Variants in ARHGEF10 observed in about 807,000 individuals in gnomAD.
The protein encoded by ARHGEF10 is Rho guanine nucleotide exchange factor 10, also known as Rho guanine nucleotide exchange factor (GEF) 10.
In ARHGEF10, 140 loss-of-function variants were observed where a neutral mutation model predicts 147.4. The ratio of observed to expected loss-of-function variants is 0.95; its 90% CI spans 0.83 to 1.09. The LOEUF is 1.09. Among genes scored for constraint, ARHGEF10 ranks in the 50% least tolerant of loss-of-function variants. The pLI, the probability that ARHGEF10 is intolerant of heterozygous loss-of-function variation, is 0.00. For synonymous variants in ARHGEF10, 902 were observed against 695.8 expected, an observed-to-expected ratio of 1.30 and a Z score of -4.67; for missense variants, 2,222 against 1,752.7, an observed-to-expected ratio of 1.27 and a Z score of -4.78.
intron 15 of ARHGEF10, among the ~76,000 whole-genome samples, chr8:1,898,945 G>A (rs896237903): frequency 2.6e-5 from 4 of 152,194 alleles, no homozygotes; most frequent in African/African-American, 9.6e-5. Context: ...TGCCCAGAGG[G>A]GATGGACAAG....
chr8:1,883,149 G>A (rs1025454663), intron 10 of ARHGEF10, among the ~76,000 whole-genome samples: 3 of 152,150 alleles, frequency 2.0e-5, no homozygotes, highest in Non-Finnish European at 2.9e-5. Flanking sequence ...CTTTTCCTTG[G>A]TGAGGGGAGA....
At chr8:1,847,658 C>G (rs1246245054) in intron 2 of ARHGEF10, among the ~76,000 whole-genome samples, 1 of 152,174 alleles carries the variant, frequency 6.6e-6, no homozygotes, top group African/African-American at 2.4e-5. Flanking sequence ...GCACAAGCAG[C>G]TACAAACCGC....
At chr8:1,850,143 G>GCAT (rs1563174301) in intron 2 of ARHGEF10, among the ~76,000 whole-genome samples, 1,917 of 137,754 alleles carry the variant, frequency 0.014, 258 homozygotes, top group African/African-American at 0.026. Flanking sequence ...GCTGAGGAGG[G>GCAT]TGTGGGGCGG....
At chr8:1,909,693 G>A (rs73544704) in intron 18 of ARHGEF10, among the ~76,000 whole-genome samples, 4 of 152,188 alleles carry the variant, frequency 2.6e-5, no homozygotes, top group East Asian at 1.9e-4. Context: ...GGGCTCCTTC[G>A]GGTTCGGGCC....
intron 4 of ARHGEF10, 108 bp from the exon 5 acceptor site, chr8:1,864,265 C>A (rs924346044): frequency 2.7e-6 from 3 of 1,091,608 alleles, no homozygotes; most frequent in African/African-American, 3.1e-5. Context: ...CTAAGATAAG[C>A]CTCTGATTGA....
chr8:1,867,715 T>C lies in ARHGEF10; in HGVS notation c.622+1113T>C, dbSNP rs997008092. On this transcript the variant is annotated intron_variant, in intron 6 of 28. Coordinates refer to ENST00000349830, the MANE Select transcript of ARHGEF10 (RefSeq NM_014629.4). Reference sequence around the variant, plus strand: ...AGATTTACTTGTTTTTTTTAATTTTTAAAGGAAAAGCAAGATTACTTTCCT... The same window carrying C: ...AGATTTACTTGTTTTTTTTAATTTTCAAAGGAAAAGCAAGATTACTTTCCT... Among the ~76,000 whole-genome samples the C allele has an allele frequency of 5.9e-5, 9 of 152,348 alleles. 2 individuals are homozygous for C. Among genetic ancestry groups the C allele is most frequent in the Admixed American group, 1.3e-4 (2 of 15,310 alleles).
At chr8:1,913,684 C>T (rs941311905) in intron 18 of ARHGEF10, among the ~76,000 whole-genome samples, 2 of 152,210 alleles carry the variant, frequency 1.3e-5, no homozygotes, top group African/African-American at 4.8e-5. Flanking sequence ...CGCTGCCTCC[C>T]TGTGTGTTCT....
chr8:1,915,108 A>T (rs1056821822), intron 18 of ARHGEF10, among the ~76,000 whole-genome samples: 3 of 152,150 alleles, frequency 2.0e-5, no homozygotes, highest in Non-Finnish European at 4.4e-5. Context: ...TTCAGTGCAG[A>T]TGAACGGCCT....
chr8:1,913,817 C>T (rs1406007450), intron 18 of ARHGEF10, among the ~76,000 whole-genome samples: 4 of 152,154 alleles, frequency 2.6e-5, no homozygotes, highest in South Asian at 2.1e-4. Context: ...CTGGATATGG[C>T]GGTTGGTACA....
rs934513748 is a variant in ARHGEF10, at chr8:1,831,874, G to A, written c.-48+7761G>A. On this transcript the variant is annotated intron_variant, in intron 1 of 28. Transcript: ENST00000349830. ...GGGATCCTATGGGGCTGTGGCCCTG[G>A]GTCAGGAGTGCCCTGGAGGGTGGCA... is the stretch of plus-strand genomic sequence containing the variant. Among the ~76,000 whole-genome samples, 287 of 152,294 alleles carry A rather than the reference G, an allele frequency of 1.9e-3. 2 individuals are homozygous for A. The highest frequency in any genetic ancestry group is 6.8e-3 in the African/African-American group (281 of 41,558).
intron 2 of ARHGEF10, among the ~76,000 whole-genome samples, chr8:1,851,813 C>T (rs1168554798): frequency 6.6e-6 from 1 of 151,776 alleles, no homozygotes; most frequent in Non-Finnish European, 1.5e-5. Flanking sequence ...GCTTGGGAGG[C>T]TGAGGTGGGA....
chr8:1,907,325 G>T (rs1272158298), intron 17 of ARHGEF10, among the ~76,000 whole-genome samples: 1 of 152,160 alleles, frequency 6.6e-6, no homozygotes, highest in Non-Finnish European at 1.5e-5. Context: ...GCCCCACTGT[G>T]GCTGAATCCA....
intron 2 of ARHGEF10, among the ~76,000 whole-genome samples, chr8:1,845,307 C>A (rs1010283616): frequency 2.0e-5 from 3 of 152,226 alleles, no homozygotes; most frequent in Admixed American, 6.5e-5. Context: ...CCTCCCGCCT[C>A]CCTGCTTTCT....
At chr8:1,942,077 C>T (rs182634391) in intron 26 of ARHGEF10, among the ~76,000 whole-genome samples, 2 of 152,116 alleles carry the variant, frequency 1.3e-5, no homozygotes, top group East Asian at 3.9e-4. Flanking sequence ...TTAGATCTGA[C>T]ACCTCAAGCA....
chr8:1,833,632 C>T (rs1803405317), intron 1 of ARHGEF10, among the ~76,000 whole-genome samples: 1 of 152,224 alleles, frequency 6.6e-6, no homozygotes, highest in African/African-American at 2.4e-5. Context: ...TCTTCCCAGC[C>T]CTGGGTCAGC....
intron 18 of ARHGEF10, among the ~76,000 whole-genome samples, chr8:1,918,318 G>A (rs1269531964): frequency 1.3e-5 from 2 of 152,118 alleles, no homozygotes; most frequent in African/African-American, 2.4e-5. Flanking sequence ...TGAACTGTCT[G>A]ATGATCCGGC....
chr8:1,853,666 G>C (rs560717457), intron 2 of ARHGEF10, among the ~76,000 whole-genome samples: 14 of 152,356 alleles, frequency 9.2e-5, no homozygotes, highest in African/African-American at 2.6e-4. Flanking sequence ...GACCTTTTGT[G>C]TTGGAAAGGG....
chr8:1,830,522 A>G lies in ARHGEF10; in HGVS notation c.-48+6409A>G, dbSNP rs192156166. 2.2e-3 allele frequency among the ~76,000 whole-genome samples: 330 copies of G among 152,330 alleles called. 2 individuals are homozygous for G. The highest frequency in any genetic ancestry group is 7.0e-3 in the African/African-American group (289 of 41,582). ...GAAACAACCTTTGCACATGAAGAAA[A>G]TCTACCTGTGGCCATATGACAAGCA... On this transcript the variant is annotated intron_variant, in intron 1 of 28. Coordinates refer to ENST00000349830, the MANE Select transcript of ARHGEF10 (RefSeq NM_014629.4).
At chr8:1,878,326 A>C (rs1807882638) in intron 8 of ARHGEF10, among the ~76,000 whole-genome samples, 2 of 151,954 alleles carry the variant, frequency 1.3e-5, no homozygotes, top group Admixed American at 1.3e-4. Context: ...AGTAGCTGGG[A>C]TTATAGGCAC....
Sources: allele counts gnomAD v4.1 joint callset (sites outside exome capture counted in the v4.1 genomes callset), GRCh38; gene constraint gnomAD v4.1.1; transcripts MANE v1.5; gene names NCBI Gene and HGNC (gene_info 2026-07-23, HGNC 2026-07-21).